The following SERTAD2 variants were observed in gnomAD, a reference collection of about 807,000 sequenced individuals.
The protein encoded by SERTAD2 is SERTA domain containing 2, also known as SERTA domain-containing protein 2.
A neutral mutation model predicts 15.4 loss-of-function variants in SERTAD2; 2 were observed. That is an observed-to-expected ratio of 0.13 (90% CI 0.05 to 0.41). SERTAD2 has a LOEUF of 0.41. Among genes scored for constraint, SERTAD2 ranks in the 10% least tolerant of loss-of-function variants. The pLI, the probability that SERTAD2 is intolerant of heterozygous loss-of-function variation, is 0.99. For missense variants in SERTAD2, 333 were observed against 409.7 expected, an observed-to-expected ratio of 0.81 and a Z score of 1.62; for synonymous variants, 180 against 178.0, an observed-to-expected ratio of 1.01 and a Z score of -0.09.
At chr2:64,646,369 C>A (rs1456803582) in intron 1 of SERTAD2, 1 of 151,910 alleles carries the variant, frequency 6.6e-6, no homozygotes, top group Non-Finnish European at 1.5e-5. Flanking sequence ...TTACTCACAC[C>A]CCCAGTGAAA....
At chr2:64,652,819 A>C (rs1443522778) in intron 1 of SERTAD2, among the ~76,000 whole-genome samples, 2 of 150,236 alleles carry the variant, frequency 1.3e-5, no homozygotes, top group African/African-American at 4.9e-5. Flanking sequence ...CTCCCATCGC[A>C]ATCTATTACT....
At position 64,641,166 on chromosome 2, in the gene SERTAD2, C is replaced by A. The variant is rs7577496; in HGVS notation, c.-4-4291G>T. ...TCTGTACATGAAAACTAGTTTTCAA[C>A]TGTGCAACTTTTCATTAGGAAGGAC... is the stretch of plus-strand genomic sequence containing the variant. On this transcript the variant is annotated intron_variant, in intron 1 of 1. Transcript: ENST00000313349. Among the ~76,000 whole-genome samples, 1,034 of 152,330 alleles carry A rather than the reference C, an allele frequency of 6.8e-3. 13 individuals are homozygous for A. Among genetic ancestry groups the A allele is most frequent in the African/African-American group, 0.022 (913 of 41,580 alleles).
intron 1 of SERTAD2, among the ~76,000 whole-genome samples, chr2:64,653,257 CACA>C (rs1353861414): frequency 2.6e-5 from 4 of 152,304 alleles, no homozygotes; most frequent in South Asian, 2.1e-4. Context: ...CTCGCACGTT[CACA>C]ACAACACAAC....
At chr2:64,650,740 A>G (rs963290483) in intron 1 of SERTAD2, among the ~76,000 whole-genome samples, 2 of 152,084 alleles carry the variant, frequency 1.3e-5, no homozygotes, top group Non-Finnish European at 2.9e-5. Context: ...ATTATTAACA[A>G]TATGTACAAA....
chr2:64,646,695 G>A (rs7596840), intron 1 of SERTAD2: 8 of 152,102 alleles, frequency 5.3e-5, no homozygotes, highest in Admixed American at 2.0e-4. Flanking sequence ...ATTATGGTAC[G>A]GTTCAAACTC....
intron 1 of SERTAD2, among the ~76,000 whole-genome samples, chr2:64,641,762 G>A (rs1448391611): frequency 6.6e-6 from 1 of 152,156 alleles, no homozygotes; most frequent in Non-Finnish European, 1.5e-5. Flanking sequence ...TCAGGGTCGC[G>A]CAATGCACCA....
At position 64,636,014 on chromosome 2, in the gene SERTAD2, G is replaced by A. The variant is rs751180403; in HGVS notation, c.858C>T (p.Tyr286=). 1.2e-6 allele frequency: 2 copies of A among 1,614,144 alleles called. No individual in the cohort carries two copies. Among genetic ancestry groups the A allele is most frequent in the Non-Finnish European group, 8.5e-7 (1 of 1,180,044 alleles). Residue 286 remains tyrosine, a synonymous_variant, in exon 2 of 2, where the codon TAC becomes TAT. Transcript: ENST00000313349. ...ADDLLKTLAP[Y]SSQPVTPSQP... ...GACTTGGGGTGACAGGCTGACTGCT[G>A]TAAGGAGCCAGAGTTTTGAGGAGGT...
At chr2:64,652,895 A>T (rs1166384245) in intron 1 of SERTAD2, among the ~76,000 whole-genome samples, 1 of 152,206 alleles carries the variant, frequency 6.6e-6, no homozygotes, top group Non-Finnish European at 1.5e-5. Context: ...CTGTCCATGT[A>T]GTGGCCCTGT....
intron 1 of SERTAD2, among the ~76,000 whole-genome samples, chr2:64,641,438 T>C (rs1168995187): frequency 6.6e-6 from 1 of 152,214 alleles, no homozygotes; most frequent in East Asian, 1.9e-4. Flanking sequence ...TAAGGTGGGA[T>C]TGTCTCTTCA....
intron 1 of SERTAD2, among the ~76,000 whole-genome samples, chr2:64,641,829 G>A (rs1465788631): frequency 1.3e-5 from 2 of 152,160 alleles, no homozygotes; most frequent in African/African-American, 2.4e-5. Context: ...TTCTGTGAGC[G>A]GCTCTCCCAT....
chr2:64,636,892 G>C lies in SERTAD2; in HGVS notation c.-4-17C>G, dbSNP rs371225456. On this transcript the variant is annotated splice_polypyrimidine_tract_variant and intron_variant, in intron 1 of 1. Coordinates refer to ENST00000313349, the MANE Select transcript of SERTAD2 (RefSeq NM_014755.3). ...AACATATATCTGCAGAGGGGAGAGA[G>C]AGGAAATGGCATTAATCACATGAAA... 1.6e-4 allele frequency: 246 copies of C among 1,538,892 alleles called. No individual in the cohort carries two copies. In the South Asian group the frequency reaches 1.7e-3, roughly 10 times the overall value.
intron 1 of SERTAD2, among the ~76,000 whole-genome samples, chr2:64,642,705 T>G (rs999370950): frequency 1.3e-5 from 2 of 152,104 alleles, no homozygotes; most frequent in African/African-American, 4.8e-5. Context: ...GGTGGTTCCC[T>G]CGACAGACCC....
chr2:64,639,696 T>G (rs1383836206), intron 1 of SERTAD2, among the ~76,000 whole-genome samples: 1 of 152,208 alleles, frequency 6.6e-6, no homozygotes, highest in African/African-American at 2.4e-5. Flanking sequence ...AATCACTGAA[T>G]CTACAGAATT....
rs1675069671 is a variant in SERTAD2, at chr2:64,653,804, T to C, written c.-189A>G. ...CCTGCGCGCCCCGAGCATTATACAA[T>C]GGTGGAGGCGGCGGCGGCAGGCAGC... On this transcript the variant is annotated 5_prime_UTR_variant, in exon 1 of 2. Coordinates refer to ENST00000313349, the MANE Select transcript of SERTAD2 (RefSeq NM_014755.3). 1 of 151,924 alleles carries C rather than the reference T, an allele frequency of 6.6e-6. No homozygotes were observed. 9.4% of individuals were successfully genotyped at this position (151,924 alleles called of 1,614,324 possible).
rs999328311 is a variant in SERTAD2 at position 64,633,238 on chromosome 2, T to C, written c.*2689A>G. 2.6e-5 allele frequency: 4 copies of C among 152,246 alleles called. No homozygotes were observed. The East Asian group carries it at 7.7e-4, about 29-fold the overall frequency. The allele number at this position is 152,246 out of a possible 1,614,324, so 9.4% of individuals were successfully genotyped here. On this transcript the variant is annotated 3_prime_UTR_variant, in exon 2 of 2. Transcript: ENST00000313349. Reference sequence around the variant, plus strand: ...TTTCCATGTCTTTCTTGTTAGACTTTGAGTATCAGGGATTTATGGCAACGG... The same window carrying C: ...TTTCCATGTCTTTCTTGTTAGACTTCGAGTATCAGGGATTTATGGCAACGG...
chr2:64,648,249 A>G (rs552861769), intron 1 of SERTAD2, among the ~76,000 whole-genome samples: 1 of 152,346 alleles, frequency 6.6e-6, no homozygotes, highest in South Asian at 2.1e-4. Flanking sequence ...CATGTTCCGA[A>G]TGTTTAATTT....
rs1047161879 is a variant in SERTAD2 at position 64,643,056 on chromosome 2, A to G, written c.-4-6181T>C. 3.3e-5 allele frequency among the ~76,000 whole-genome samples: 5 copies of G among 152,308 alleles called. No individual in the cohort carries two copies. In the East Asian group the frequency reaches 9.7e-4, roughly 30 times the overall value. On this transcript the variant is annotated intron_variant, in intron 1 of 1. Coordinates refer to ENST00000313349, the MANE Select transcript of SERTAD2 (RefSeq NM_014755.3). ...GAAGGTGTGACTGGTCTTGTGACCA[A>G]AAAGGAATCAAAGATTGAGTGGAGA...
rs886792059 is a variant in SERTAD2, at chr2:64,634,190, A to G, written c.*1737T>C. The stretch of plus-strand genomic sequence containing the variant: ...AGTTATTCCTAAAGAAGCCATCTGC[A>G]TAACAATATAGGTTGTAACCTGCAC... On this transcript the variant is annotated 3_prime_UTR_variant, in exon 2 of 2. Coordinates refer to ENST00000313349, the MANE Select transcript of SERTAD2 (RefSeq NM_014755.3). The G allele has an allele frequency of 7.2e-5, 11 of 152,250 alleles. No individual in the cohort carries two copies. Among genetic ancestry groups the G allele is most frequent in the Admixed American group, 3.9e-4 (6 of 15,288 alleles). 9.4% of individuals were successfully genotyped at this position (152,250 alleles called of 1,614,324 possible).
chr2:64,643,069 G>A (rs1674810332), intron 1 of SERTAD2, among the ~76,000 whole-genome samples: 1 of 152,210 alleles, frequency 6.6e-6, no homozygotes, highest in South Asian at 2.1e-4. Flanking sequence ...AGGAATCAAA[G>A]ATTGAGTGGA....
Sources: allele counts gnomAD v4.1 joint callset (sites outside exome capture counted in the v4.1 genomes callset), GRCh38; gene constraint gnomAD v4.1.1; transcripts MANE v1.5; gene names NCBI Gene and HGNC (gene_info 2026-07-23, HGNC 2026-07-21).